Variants in PDE4D observed in about 807,000 individuals in gnomAD.
PDE4D encodes 3',5'-cyclic-AMP phosphodiesterase 4D.
Under a neutral mutation model 87.4 loss-of-function variants are expected in PDE4D, and 24 were observed. The observed-to-expected ratio is 0.27, with a 90% confidence interval of 0.20 to 0.39. The LOEUF (loss-of-function observed/expected upper bound fraction) is 0.39. PDE4D is among the 10% of genes least tolerant of loss of function. PDE4D has a pLI of 1.00. For synonymous variants in PDE4D, 384 were observed against 383.2 expected (o/e 1.00, Z -0.02); for missense variants, 714 against 1,041.0 (o/e 0.69, Z 4.32).
At chr5:59,026,397 A>G (rs1002761553) in intron 6 of PDE4D, among the ~76,000 whole-genome samples, 1 of 152,226 alleles carries the variant, frequency 6.6e-6, no homozygotes, top group Non-Finnish European at 1.5e-5. Flanking sequence ...CCATCTACCA[A>G]TACAAGGTAA....
intron 5 of PDE4D, among the ~76,000 whole-genome samples, chr5:59,145,543 C>T (rs1778513684): frequency 6.6e-6 from 1 of 152,164 alleles, no homozygotes; most frequent in Non-Finnish European, 1.5e-5. Flanking sequence ...TGCAATTTTA[C>T]ATTCACCTAG....
At chr5:60,192,262 T>A (rs1468517871) in intron 1 of PDE4D, among the ~76,000 whole-genome samples, 1 of 152,154 alleles carries the variant, frequency 6.6e-6, no homozygotes, top group Non-Finnish European at 1.5e-5. Context: ...TGCTTAAAAA[T>A]TATTTTACTT....
At position 59,605,118 on chromosome 5, in the gene PDE4D, A is replaced by G. The variant is rs553586595; in HGVS notation, c.455+288050T>C. On this transcript the variant is annotated intron_variant, in intron 1 of 14. Transcript: ENST00000340635. ...ACCCGTAAACATGTAACAGGGTTGA[A>G]GGTGCTTAAAACTGCATATTGGCTG... Among the ~76,000 whole-genome samples the G allele has an allele frequency of 9.2e-5, 14 of 152,192 alleles. No homozygotes were observed. The East Asian group carries it at 2.3e-3, about 25-fold the overall frequency.
intron 1 of PDE4D, among the ~76,000 whole-genome samples, chr5:59,752,074 T>C (rs998203226): frequency 5.9e-5 from 9 of 152,180 alleles, no homozygotes; most frequent in Non-Finnish European, 1.3e-4. Flanking sequence ...TATGCTTAGT[T>C]ATGGCAACTA....
chr5:59,345,958 A>G (rs1779542309), intron 1 of PDE4D, among the ~76,000 whole-genome samples: 1 of 152,162 alleles, frequency 6.6e-6, no homozygotes, highest in African/African-American at 2.4e-5. Flanking sequence ...ATGGCCTAAA[A>G]CTGGAATACT....
chr5:58,979,883 A>C (rs1339867029), intron 11 of PDE4D, among the ~76,000 whole-genome samples: 5 of 152,166 alleles, frequency 3.3e-5, no homozygotes, highest in Non-Finnish European at 7.4e-5. Context: ...TAGAGACTTA[A>C]GCCCCTACAA....
intron 3 of PDE4D, among the ~76,000 whole-genome samples, chr5:59,928,516 C>T (rs921020761): frequency 1.3e-5 from 2 of 151,746 alleles, no homozygotes; most frequent in South Asian, 4.2e-4. Context: ...CGGTGGAGGT[C>T]GCAGTGAGCC....
chr5:59,196,675 G>A (rs575280829), intron 2 of PDE4D, among the ~76,000 whole-genome samples: 1 of 152,248 alleles, frequency 6.6e-6, no homozygotes, highest in South Asian at 2.1e-4. Context: ...TTCATTTGAA[G>A]CCAAACATTC....
Position 59,388,084 on chromosome 5 carries a change from T to C in PDE4D, c.456-172116A>G, listed in dbSNP as rs542437557. Reference sequence around the variant, plus strand: ...CTGACTTATTTCACTTAACATAACGTCATCCAGATTCATCCATGTGATCCC... The same window carrying C: ...CTGACTTATTTCACTTAACATAACGCCATCCAGATTCATCCATGTGATCCC... On this transcript the variant is annotated intron_variant, in intron 1 of 14. Coordinates refer to ENST00000340635, the MANE Select transcript of PDE4D (RefSeq NM_001104631.2). Among the ~76,000 whole-genome samples the C allele has an allele frequency of 2.6e-5, 4 of 152,148 alleles. No homozygotes were observed. The South Asian group carries it at 6.2e-4, about 24-fold the overall frequency.
rs752886348 is a variant in PDE4D at position 59,046,403 on chromosome 5, TGAGA to T, written c.809-7436_809-7433del. On this transcript the variant is annotated intron_variant, in intron 5 of 14. Coordinates refer to ENST00000340635, the MANE Select transcript of PDE4D (RefSeq NM_001104631.2). ...GCATGTATGTAAGGGCATGAAAGAG[TGAGA>T]GAGAGAGAGAGAATGTGTGTGTGTG... is the stretch of plus-strand genomic sequence containing the variant. Among the ~76,000 whole-genome samples, 207 of 143,696 alleles carry T rather than the reference TGAGA, an allele frequency of 1.4e-3. 1 individual carries two copies. Among genetic ancestry groups the T allele is most frequent in the South Asian group, 6.0e-3 (27 of 4,488 alleles). The allele number at this position is 143,696 out of a possible 152,430, so 94.3% of individuals were successfully genotyped here.
intron 1 of PDE4D, among the ~76,000 whole-genome samples, chr5:59,423,684 C>T (rs1344639730): frequency 6.6e-6 from 1 of 151,946 alleles, no homozygotes; most frequent in Non-Finnish European, 1.5e-5. Context: ...GAGAATGGAA[C>T]TCTAGGCAAA....
In PDE4D at chr5:59,179,256, G is replaced by A. The variant is rs532402242; in HGVS notation, c.808+1339C>T. ...CGAGTAGCTTGGATTACAGGTGCTC[G>A]CCACCATGCTAAGTTTTGTATTTTT... is the stretch of plus-strand genomic sequence containing the variant. On this transcript the variant is annotated intron_variant, in intron 5 of 14. Transcript: ENST00000340635. Among the ~76,000 whole-genome samples the A allele has an allele frequency of 8.5e-5, 13 of 152,080 alleles. 1 individual carries two copies. In the South Asian group the frequency reaches 1.2e-3, roughly 15 times the overall value.
intron 5 of PDE4D, among the ~76,000 whole-genome samples, chr5:59,174,932 T>A (rs937368594): frequency 4.6e-5 from 7 of 152,116 alleles, no homozygotes; most frequent in African/African-American, 1.7e-4. Flanking sequence ...AATCCTCTAA[T>A]TGAGGATGAT....
At chr5:59,992,104 C>T (rs963462540) in intron 2 of PDE4D, among the ~76,000 whole-genome samples, 2 of 152,154 alleles carry the variant, frequency 1.3e-5, no homozygotes, top group African/African-American at 2.4e-5. Flanking sequence ...ATGTTTCCTG[C>T]TCTCGATCAT....
chr5:59,697,741 T>G (rs1480333546), intron 1 of PDE4D, among the ~76,000 whole-genome samples: 1 of 152,224 alleles, frequency 6.6e-6, no homozygotes, highest in Non-Finnish European at 1.5e-5. Flanking sequence ...GCTATTCTGA[T>G]GAGTTGTTAT....
chr5:60,048,055 T>A (rs1002606147), intron 2 of PDE4D, among the ~76,000 whole-genome samples: 4 of 152,138 alleles, frequency 2.6e-5, no homozygotes, highest in African/African-American at 4.8e-5. Flanking sequence ...GCTCCTGTAT[T>A]GGGTGCATAT....
At chr5:59,012,249 G>A (rs1303105987) in intron 6 of PDE4D, among the ~76,000 whole-genome samples, 3 of 152,032 alleles carry the variant, frequency 2.0e-5, no homozygotes, top group Non-Finnish European at 4.4e-5. Context: ...ATCAACTAAT[G>A]GGCAAAATAA....
intron 1 of PDE4D, among the ~76,000 whole-genome samples, chr5:60,340,500 C>T (rs866431212): frequency 2.6e-4 from 39 of 151,808 alleles, no homozygotes; most frequent in African/African-American, 8.0e-4. Flanking sequence ...ACAATCCTCC[C>T]ACATCTCCAA....
chr5:60,074,639 A>G (rs1240991475), intron 2 of PDE4D, among the ~76,000 whole-genome samples: 1 of 152,188 alleles, frequency 6.6e-6, no homozygotes, highest in Non-Finnish European at 1.5e-5. Flanking sequence ...TGGAAGTCCA[A>G]TTCTCTTTGA....
Sources: gnomAD v4.1 joint callset for allele counts (sites outside exome capture counted in the v4.1 genomes callset) on GRCh38, gnomAD v4.1.1 for gene constraint, MANE v1.5 for transcripts, NCBI Gene and HGNC (gene_info 2026-07-23, HGNC 2026-07-21) for gene names.